PARD3B: variants seen among roughly 807,000 people sequenced by gnomAD.
PARD3B encodes par-3 family cell polarity regulator beta, also known as partitioning defective 3 homolog B.
A neutral mutation model predicts 130.2 loss-of-function variants in PARD3B; 103 were observed. The observed-to-expected ratio is 0.79, with a 90% confidence interval of 0.67 to 0.93. The LOEUF is 0.93. Ranked by LOEUF, PARD3B falls within the 40% of genes least tolerant of loss-of-function variation. PARD3B has a pLI of 0.00. For missense variants in PARD3B, 1,609 were observed against 1,499.2 expected (o/e 1.07, Z -1.21); for synonymous variants, 583 against 553.2 (o/e 1.05, Z -0.76).
intron 15 of PARD3B, among the ~76,000 whole-genome samples, chr2:205,197,227 A>T (rs1044744259): frequency 6.6e-6 from 1 of 152,124 alleles, no homozygotes; most frequent in Admixed American, 6.6e-5. Flanking sequence ...TCAAGAATGA[A>T]TGTTTAATTT....
intron 3 of PARD3B, among the ~76,000 whole-genome samples, chr2:204,973,960 A>G (rs1691924372): frequency 6.6e-6 from 1 of 152,186 alleles, no homozygotes. Flanking sequence ...GACCTCCCAG[A>G]TATCACCACC....
In PARD3B at chr2:205,407,537, A is replaced by G. The variant is rs1457865600; in HGVS notation, c.2741+6414A>G. The stretch of plus-strand genomic sequence containing the variant: ...GTATATATTGTTGTTATTCAATTCT[A>G]AGACCTAAGTTTGTAACCTTTTACA... On this transcript the variant is annotated intron_variant, in intron 19 of 22. Coordinates refer to ENST00000406610, the MANE Select transcript of PARD3B (RefSeq NM_001302769.2). This position sits in a 1 kb window ranked among gnomAD's most constrained non-coding sequence, Gnocchi z 4.1. 4.6e-5 allele frequency among the ~76,000 whole-genome samples: 7 copies of G among 152,162 alleles called. No homozygotes were observed. The East Asian group carries it at 1.2e-3, about 25-fold the overall frequency.
At chr2:204,559,234 C>T (rs1392880970) in intron 1 of PARD3B, among the ~76,000 whole-genome samples, 1 of 152,172 alleles carries the variant, frequency 6.6e-6, no homozygotes, top group African/African-American at 2.4e-5. Context: ...GCAAAAGAAA[C>T]TACCATCAGA....
At chr2:205,210,738 C>T (rs1187429634) in intron 15 of PARD3B, among the ~76,000 whole-genome samples, 1 of 151,776 alleles carries the variant, frequency 6.6e-6, no homozygotes, top group Non-Finnish European at 1.5e-5. Context: ...TCATTTTTGC[C>T]AGTGTTATAG....
intron 2 of PARD3B, among the ~76,000 whole-genome samples, chr2:204,750,356 G>A (rs1423121748): frequency 6.6e-6 from 1 of 152,172 alleles, no homozygotes; most frequent in Non-Finnish European, 1.5e-5. Context: ...GCCAAGGCAG[G>A]CAGATCACCT....
intron 22 of PARD3B, among the ~76,000 whole-genome samples, chr2:205,586,026 G>T (rs2054184668): frequency 1.3e-5 from 2 of 152,172 alleles, no homozygotes; most frequent in African/African-American, 2.4e-5. Context: ...TTCCAGGGCA[G>T]AAAAAAGATT....
chr2:205,277,285 T>A (rs963320898), intron 16 of PARD3B, among the ~76,000 whole-genome samples: 1 of 152,174 alleles, frequency 6.6e-6, no homozygotes, highest in Non-Finnish European at 1.5e-5. Flanking sequence ...TTGTTGTTCA[T>A]TAGCTGTGTG....
chr2:205,085,050 T>A (rs1301103647), intron 4 of PARD3B, among the ~76,000 whole-genome samples: 3 of 152,052 alleles, frequency 2.0e-5, no homozygotes, highest in Non-Finnish European at 4.4e-5. Context: ...TGAGAGTACA[T>A]CAAAGTCTCC....
At chr2:205,199,028 A>G (rs950733685) in intron 15 of PARD3B, among the ~76,000 whole-genome samples, 2 of 152,152 alleles carry the variant, frequency 1.3e-5, no homozygotes, top group Non-Finnish European at 2.9e-5. Flanking sequence ...ATTGTAAGAA[A>G]GTGTCTATTT....
intron 2 of PARD3B, among the ~76,000 whole-genome samples, chr2:204,709,192 G>T (rs2038321417): frequency 6.6e-6 from 1 of 152,070 alleles, no homozygotes; most frequent in Admixed American, 6.6e-5. Flanking sequence ...TGCTTGTATA[G>T]TCCCATTAAT....
At position 205,241,841 on chromosome 2, in the gene PARD3B, T is replaced by G. The variant is rs1395765967; in HGVS notation, c.2141-3937T>G. On this transcript the variant is annotated intron_variant, in intron 15 of 22. Transcript: ENST00000406610. This position sits in a 1 kb window ranked among gnomAD's most constrained non-coding sequence, Gnocchi z 4.2. ...AATCACTGTGCTAAATATTATGCAG[T>G]GAAACTACTAGACGTAAGCTTAAGC... Among the ~76,000 whole-genome samples the G allele has an allele frequency of 6.6e-6, 1 of 152,148 alleles. No homozygotes were observed. The highest frequency in any genetic ancestry group is 2.4e-5 in the African/African-American group (1 of 41,448).
At chr2:205,557,857 T>G (rs947672834) in intron 22 of PARD3B, among the ~76,000 whole-genome samples, 2 of 152,018 alleles carry the variant, frequency 1.3e-5, no homozygotes, top group African/African-American at 4.8e-5. Context: ...CCAACTACCC[T>G]CTCTCGGCAG....
Position 205,590,723 on chromosome 2 carries a change from A to G in PARD3B, c.3261-24733A>G, listed in dbSNP as rs2054358079. On this transcript the variant is annotated intron_variant, in intron 22 of 22. Transcript: ENST00000406610. This position sits in a 1 kb window ranked among gnomAD's most constrained non-coding sequence, Gnocchi z 4.1. ...TCTCAACTCGGATCACAAGGGAAGA[A>G]GGAAAGATAGGATCAAGGATGAAGG... Among the ~76,000 whole-genome samples the G allele has an allele frequency of 1.3e-5, 2 of 152,188 alleles. No individual in the cohort carries two copies. The highest frequency in any genetic ancestry group is 2.9e-5 in the Non-Finnish European group (2 of 68,042).
chr2:205,148,805 C>T (rs1002000956), intron 10 of PARD3B, among the ~76,000 whole-genome samples: 27 of 151,882 alleles, frequency 1.8e-4, no homozygotes, highest in African/African-American at 5.8e-4. Flanking sequence ...ATAATTCTTA[C>T]ATAAAGTAAG....
intron 3 of PARD3B, among the ~76,000 whole-genome samples, chr2:205,042,193 G>A (rs1698438372): frequency 6.6e-6 from 1 of 152,104 alleles, no homozygotes; most frequent in Non-Finnish European, 1.5e-5. Flanking sequence ...CATTTAAAGG[G>A]GACATGGATC....
rs372055763 is a variant in PARD3B at position 205,264,356 on chromosome 2, A to G, written c.2185+18534A>G. On this transcript the variant is annotated intron_variant, in intron 16 of 22. Coordinates refer to ENST00000406610, the MANE Select transcript of PARD3B (RefSeq NM_001302769.2). ...TAAGATGAAGGCAAAGGCAGTTACTAGAGTTAATGATCAGTCTCATTTTTG... is the reference window on the plus strand; with the variant it reads ...TAAGATGAAGGCAAAGGCAGTTACTGGAGTTAATGATCAGTCTCATTTTTG... 9.3e-5 allele frequency among the ~76,000 whole-genome samples: 14 copies of G among 151,302 alleles called. 1 individual carries two copies. The highest frequency in any genetic ancestry group is 3.4e-4 in the African/African-American group (14 of 41,278).
chr2:204,758,544 A>G (rs536358414), intron 2 of PARD3B, among the ~76,000 whole-genome samples: 1 of 152,324 alleles, frequency 6.6e-6, no homozygotes, highest in Non-Finnish European at 1.5e-5. Context: ...CAGAAGAATC[A>G]CTTAGGGGAA....
intron 2 of PARD3B, among the ~76,000 whole-genome samples, chr2:204,920,119 A>T (rs1388172363): frequency 6.6e-6 from 1 of 152,182 alleles, no homozygotes; most frequent in East Asian, 1.9e-4. Flanking sequence ...TTCTGTATCT[A>T]TTGCCCCCTT....
intron 4 of PARD3B, among the ~76,000 whole-genome samples, chr2:205,087,844 A>G (rs1357847168): frequency 1.3e-5 from 2 of 152,164 alleles, no homozygotes; most frequent in Non-Finnish European, 1.5e-5. Context: ...GACCCTGACC[A>G]TCATAGCTAT....
Sources: allele counts gnomAD v4.1 joint callset (sites outside exome capture counted in the v4.1 genomes callset), GRCh38; gene constraint gnomAD v4.1.1; non-coding constraint Gnocchi (gnomAD v3.1); transcripts MANE v1.5; gene names NCBI Gene and HGNC (gene_info 2026-07-23, HGNC 2026-07-21).